The following SAMD12 variants were observed in gnomAD, a reference collection of about 807,000 sequenced individuals.
SAMD12 encodes the protein sterile alpha motif domain containing 12.
A neutral mutation model predicts 15.0 loss-of-function variants in SAMD12; 9 were observed. The observed-to-expected ratio is 0.60, with a 90% CI of 0.36 to 1.05. The LOEUF (loss-of-function observed/expected upper bound fraction) is 1.05. Ranked by LOEUF, SAMD12 falls within the 50% of genes least tolerant of loss-of-function variation. The probability of loss-of-function intolerance (pLI) is 0.01; values close to 1 mark genes in which losing one functional copy is unlikely to be tolerated. For synonymous variants in SAMD12, 86 were observed against 90.1 expected (o/e 0.96, Z 0.25); for missense variants, 230 against 234.2 (o/e 0.98, Z 0.12).
the SAMD12 span, among the ~76,000 whole-genome samples, chr8:118,158,738 C>T: frequency 6.6e-6 from 1 of 152,128 alleles, no homozygotes; most frequent in Non-Finnish European, 1.5e-5. Flanking sequence ...GCATGCACTT[C>T]CTCCCCTCCG....
exon 5 of SAMD12, chr8:118,194,778 T>A (rs919823994): frequency 6.6e-6 from 1 of 152,176 alleles, no homozygotes; most frequent in Admixed American, 6.5e-5. Flanking sequence ...TACAGCACAG[T>A]TGAAGTTAAC....
intron 2 of SAMD12, among the ~76,000 whole-genome samples, chr8:118,535,363 A>G (rs1271012869): frequency 1.3e-5 from 2 of 152,140 alleles, no homozygotes; most frequent in Non-Finnish European, 2.9e-5. Context: ...CCCCTACTGG[A>G]AGATGCCTCC....
In SAMD12 at chr8:118,392,152, G is replaced by A. The variant is rs1341635875; in HGVS notation, c.323-12452C>T. On this transcript the variant is annotated intron_variant, in intron 3 of 3. Transcript: ENST00000314727. ...GCACAATAAAAAGTACTGTTGGCTG[G>A]GCGCAGTGGCTCACGCCTGTAATCC... Among the ~76,000 whole-genome samples the A allele has an allele frequency of 3.9e-5, 6 of 152,226 alleles. 1 individual carries two copies. Among genetic ancestry groups the A allele is most frequent in the Non-Finnish European group, 7.3e-5 (5 of 68,038 alleles).
chr8:118,297,373 C>T (rs1479876605), intron 4 of SAMD12, among the ~76,000 whole-genome samples: 2 of 152,092 alleles, frequency 1.3e-5, no homozygotes, highest in Admixed American at 1.3e-4. Context: ...CACTAAAGCC[C>T]TGATGGTCAC....
intron 1 of SAMD12, among the ~76,000 whole-genome samples, chr8:118,617,066 C>A (rs372648105): frequency 1.3e-5 from 2 of 152,356 alleles, no homozygotes; most frequent in South Asian, 4.1e-4. Context: ...ATCCCTATGA[C>A]GGGTAAGTTC....
In SAMD12 at chr8:118,437,676, C is replaced by T. The variant is rs572790509; in HGVS notation, c.322+2156G>A. Among the ~76,000 whole-genome samples, 8 of 152,240 alleles carry T rather than the reference C, an allele frequency of 5.3e-5. No individual in the cohort carries two copies. The East Asian group carries it at 1.4e-3, about 26-fold the overall frequency. ...CAAGAAAGTAGTGATTTCCCAATACCTGGTATGTTTCATGAAGACCAAGTC... is the reference window on the plus strand; with the variant it reads ...CAAGAAAGTAGTGATTTCCCAATACTTGGTATGTTTCATGAAGACCAAGTC... On this transcript the variant is annotated intron_variant, in intron 3 of 3. Coordinates refer to ENST00000314727, the MANE Select transcript of SAMD12 (RefSeq NM_207506.3).
At chr8:118,370,175 T>C (rs1016415900) in intron 4 of SAMD12, among the ~76,000 whole-genome samples, 1 of 151,478 alleles carries the variant, frequency 6.6e-6, no homozygotes, top group Non-Finnish European at 1.5e-5. Flanking sequence ...CCAAAAAACA[T>C]GAAAAAAAAG....
intron 2 of SAMD12, among the ~76,000 whole-genome samples, chr8:118,542,440 A>G (rs7825476): frequency 2.6e-5 from 4 of 152,246 alleles, no homozygotes; most frequent in African/African-American, 9.6e-5. Context: ...AATATTTAAA[A>G]TATCGTACTA....
the SAMD12 span, among the ~76,000 whole-genome samples, chr8:118,165,069 A>G: frequency 6.6e-6 from 1 of 151,228 alleles, no homozygotes; most frequent in African/African-American, 2.4e-5. Flanking sequence ...CTCAATTCTC[A>G]TGCTATCTGT....
chr8:118,146,715 A>C, the SAMD12 span, among the ~76,000 whole-genome samples: 1 of 152,198 alleles, frequency 6.6e-6, no homozygotes, highest in Non-Finnish European at 1.5e-5. Context: ...TCTCAGAAGC[A>C]TCAGACCAAG....
intron 3 of SAMD12, among the ~76,000 whole-genome samples, chr8:118,393,404 T>A (rs935314876): frequency 7.6e-6 from 1 of 132,168 alleles, no homozygotes; most frequent in East Asian, 2.0e-4. Context: ...ATATATATAT[T>A]TTGATTTTTT....
At chr8:118,157,066 A>G in the SAMD12 span, among the ~76,000 whole-genome samples, 40,170 of 152,096 alleles carry the variant, frequency 0.26, 5,391 homozygotes, top group Admixed American at 0.32. Context: ...AGATTTACAT[A>G]GAGTTGGAGT....
At chr8:118,512,267 G>A (rs567080765) in intron 2 of SAMD12, among the ~76,000 whole-genome samples, 3 of 152,258 alleles carry the variant, frequency 2.0e-5, no homozygotes, top group Non-Finnish European at 2.9e-5. Flanking sequence ...TGCAGAGATA[G>A]CACCAGAAAG....
chr8:118,383,478 T>C (rs1268318575), intron 3 of SAMD12, among the ~76,000 whole-genome samples: 1 of 151,948 alleles, frequency 6.6e-6, no homozygotes, highest in Non-Finnish European at 1.5e-5. Context: ...AGTTGCCACA[T>C]GAATGAAAAG....
intron 2 of SAMD12, among the ~76,000 whole-genome samples, chr8:118,472,621 G>A (rs1823833467): frequency 6.6e-6 from 1 of 152,106 alleles, no homozygotes; most frequent in Admixed American, 6.5e-5. Context: ...GATATAGTGA[G>A]TGATGATCGC....
intron 4 of SAMD12, among the ~76,000 whole-genome samples, chr8:118,278,868 G>A (rs114493594): frequency 0.023 from 3,503 of 152,236 alleles, 155 homozygotes; most frequent in African/African-American, 0.079. Context: ...GTAGCCATGC[G>A]TATTTGCAAA....
chr8:118,537,078 T>C (rs1396284110), intron 2 of SAMD12, among the ~76,000 whole-genome samples: 1 of 152,142 alleles, frequency 6.6e-6, no homozygotes. Flanking sequence ...TTTTCCTCCT[T>C]CAGCACTTTA....
At chr8:118,354,048 C>T (rs1279787037) in intron 4 of SAMD12, among the ~76,000 whole-genome samples, 1 of 152,222 alleles carries the variant, frequency 6.6e-6, no homozygotes, top group African/African-American at 2.4e-5. Context: ...AGGCCTCTGC[C>T]TTGCTTGTTC....
chr8:118,521,439 G>A (rs894490907), intron 2 of SAMD12, among the ~76,000 whole-genome samples: 2 of 152,140 alleles, frequency 1.3e-5, no homozygotes, highest in African/African-American at 2.4e-5. Flanking sequence ...GGGTACATTT[G>A]AAATCATTTC....
Sources: gnomAD v4.1 joint callset for allele counts (sites outside exome capture counted in the v4.1 genomes callset) on GRCh38, gnomAD v4.1.1 for gene constraint, MANE v1.5 for transcripts, NCBI Gene and HGNC (gene_info 2026-07-23, HGNC 2026-07-21) for gene names.